Variants in ATP2B1 observed in about 807,000 individuals in gnomAD.
The protein encoded by ATP2B1 is plasma membrane calcium-transporting ATPase 1.
ATP2B1 carries 14 observed loss-of-function variants against 124.2 expected under a neutral mutation model. The observed-to-expected ratio is 0.11, with a 90% confidence interval of 0.07 to 0.18. ATP2B1 has a LOEUF of 0.18. ATP2B1 is among the 10% of genes least tolerant of loss of function. ATP2B1 has a pLI of 1.00. For synonymous variants in ATP2B1, 449 were observed against 492.4 expected (o/e 0.91, Z 1.17); for missense variants, 763 against 1,466.1 (o/e 0.52, Z 7.83).
At chr12:89,593,639 A>G (rs922915108) in intron 20 of ATP2B1, 1 of 152,060 alleles carries the variant, frequency 6.6e-6, no homozygotes. Flanking sequence ...GAGTTAGTGA[A>G]GCTCTAAGAG....
intron 20 of ATP2B1, among the ~76,000 whole-genome samples, chr12:89,593,080 T>C (rs557301255): frequency 3.3e-5 from 5 of 152,200 alleles, no homozygotes; most frequent in East Asian, 3.9e-4. Context: ...ACTTCTTTTA[T>C]TGCTCTTGTT....
At chr12:89,697,797 AG>A (rs1352013498) in intron 1 of ATP2B1, among the ~76,000 whole-genome samples, 1 of 151,450 alleles carries the variant, frequency 6.6e-6, no homozygotes, top group East Asian at 1.9e-4. Context: ...AACTAGGAAA[AG>A]TACCCTCAAA....
At chr12:89,612,940 AT>A (rs1036023122) in intron 12 of ATP2B1, among the ~76,000 whole-genome samples, 4 of 152,124 alleles carry the variant, frequency 2.6e-5, no homozygotes, top group African/African-American at 9.7e-5. Context: ...TATCTTTGGG[AT>A]AATAGCAAGG....
intron 1 of ATP2B1, among the ~76,000 whole-genome samples, chr12:89,669,206 G>A (rs1887650010): frequency 6.6e-6 from 1 of 152,086 alleles, no homozygotes. Flanking sequence ...AGGGCAGGAT[G>A]GTCTTGTTCA....
rs375184516 is a variant in ATP2B1 at position 89,637,858 on chromosome 12, G to C, written c.407-2607C>G. 6.6e-5 allele frequency among the ~76,000 whole-genome samples: 10 copies of C among 152,104 alleles called. 1 individual carries two copies. The highest frequency in any genetic ancestry group is 2.4e-4 in the African/African-American group (10 of 41,406). ...AAGTTTAAAGACCAACACAACAGAGGTTAAGGAGGGGAAAGAATTACGGAC... is the reference window on the plus strand; with the variant it reads ...AAGTTTAAAGACCAACACAACAGAGCTTAAGGAGGGGAAAGAATTACGGAC... On this transcript the variant is annotated intron_variant, in intron 3 of 20. Coordinates refer to ENST00000428670, the MANE Select transcript of ATP2B1 (RefSeq NM_001366521.1).
At chr12:89,669,506 C>T (rs767690029) in intron 1 of ATP2B1, among the ~76,000 whole-genome samples, 6 of 152,146 alleles carry the variant, frequency 3.9e-5, no homozygotes, top group Non-Finnish European at 8.8e-5. Context: ...GTACTAGCTG[C>T]GTGACCCTGA....
chr12:89,671,208 A>C (rs1887935663), intron 1 of ATP2B1, among the ~76,000 whole-genome samples: 1 of 152,172 alleles, frequency 6.6e-6, no homozygotes, highest in Non-Finnish European at 1.5e-5. Flanking sequence ...CCCAGGACTC[A>C]AGATCTGACA....
intron 1 of ATP2B1, among the ~76,000 whole-genome samples, chr12:89,693,431 A>C (rs1232452863): frequency 6.6e-6 from 1 of 152,182 alleles, no homozygotes; most frequent in Non-Finnish European, 1.5e-5. Flanking sequence ...AATGATAAGC[A>C]CCTAACTTTC....
intron 1 of ATP2B1, among the ~76,000 whole-genome samples, chr12:89,668,994 TA>T (rs1213635736): frequency 2.6e-5 from 4 of 152,212 alleles, no homozygotes; most frequent in Non-Finnish European, 5.9e-5. Flanking sequence ...GGCATGGAAT[TA>T]AAATATGTAT....
chr12:89,651,140 G>A (rs1311263696), intron 2 of ATP2B1, among the ~76,000 whole-genome samples: 1 of 152,186 alleles, frequency 6.6e-6, no homozygotes, highest in African/African-American at 2.4e-5. Context: ...TTTTTAATAT[G>A]AAAATTATAT....
chr12:89,598,813 C>T (rs1035847184), intron 20 of ATP2B1: 4 of 1,555,734 alleles, frequency 2.6e-6, no homozygotes, highest in Middle Eastern at 1.7e-4. Flanking sequence ...AGGACCATTC[C>T]ATCTATCAAC....
intron 2 of ATP2B1, among the ~76,000 whole-genome samples, chr12:89,650,366 A>G (rs1326365799): frequency 6.6e-6 from 1 of 152,224 alleles, no homozygotes; most frequent in African/African-American, 2.4e-5. Flanking sequence ...AAACTTACAC[A>G]TTCTTTCCCA....
intron 3 of ATP2B1, among the ~76,000 whole-genome samples, chr12:89,639,269 C>T (rs1327104427): frequency 6.6e-6 from 1 of 151,994 alleles, no homozygotes; most frequent in African/African-American, 2.4e-5. Context: ...TTTGGGAGGC[C>T]GAGGCGGGCA....
At chr12:89,638,677 T>A (rs1883058550) in intron 3 of ATP2B1, among the ~76,000 whole-genome samples, 1 of 152,180 alleles carries the variant, frequency 6.6e-6, no homozygotes, top group Admixed American at 6.5e-5. Context: ...TACAATAGAT[T>A]ATTATTTAAA....
chr12:89,639,155 C>CCTTTTAAGCA (rs1565855604), intron 3 of ATP2B1, among the ~76,000 whole-genome samples: 1 of 152,128 alleles, frequency 6.6e-6, no homozygotes. Context: ...TACCACACCT[C>CCTTTTAAGCA]AGTGTTGAGA....
chr12:89,600,859 G>A (rs1875679098), intron 19 of ATP2B1, among the ~76,000 whole-genome samples: 1 of 152,000 alleles, frequency 6.6e-6, no homozygotes, highest in African/African-American at 2.4e-5. Context: ...ATGTTGGCCA[G>A]GCTGGTCTCT....
At chr12:89,696,181 G>C (rs914271729) in intron 1 of ATP2B1, among the ~76,000 whole-genome samples, 4 of 152,166 alleles carry the variant, frequency 2.6e-5, no homozygotes, top group Non-Finnish European at 5.9e-5. Context: ...ATTTGGAAAA[G>C]TAAAGCAGAG....
chr12:89,631,389 C>T (rs757958073), intron 5 of ATP2B1, among the ~76,000 whole-genome samples: 1 of 152,142 alleles, frequency 6.6e-6, no homozygotes, highest in South Asian at 2.1e-4. Flanking sequence ...AAAGAAACAA[C>T]GTATGTATCA....
chr12:89,627,534 G>T, intron 7 of ATP2B1, 144 bp downstream of exon 7: 1 of 795,240 alleles, frequency 1.3e-6, no homozygotes, highest in Non-Finnish European at 2.0e-6. Flanking sequence ...TAAGACACCG[G>T]CAGGAAGAAA....
Sources: gnomAD v4.1 joint callset for allele counts (sites outside exome capture counted in the v4.1 genomes callset) on GRCh38, gnomAD v4.1.1 for gene constraint, MANE v1.5 for transcripts, NCBI Gene and HGNC (gene_info 2026-07-23, HGNC 2026-07-21) for gene names.